RGL1: variants seen among roughly 807,000 people sequenced by gnomAD.
RGL1 encodes ral guanine nucleotide dissociation stimulator-like 1.
A neutral mutation model predicts 95.2 loss-of-function variants in RGL1; 24 were observed. The ratio of observed to expected loss-of-function variants is 0.25; its 90% confidence interval spans 0.18 to 0.35. The LOEUF is 0.35. Among genes scored for constraint, RGL1 ranks in the 10% least tolerant of loss-of-function variants. The probability of loss-of-function intolerance (pLI) is 1.00; values close to 1 mark genes in which losing one functional copy is unlikely to be tolerated. For synonymous variants in RGL1, 329 were observed against 344.9 expected (o/e 0.95, Z 0.51); for missense variants, 715 against 936.3 (o/e 0.76, Z 3.08).
chr1:183,704,672 T>G (rs1331371927), intron 1 of RGL1, among the ~76,000 whole-genome samples: 2 of 152,128 alleles, frequency 1.3e-5, no homozygotes, highest in Non-Finnish European at 2.9e-5. Flanking sequence ...GTAGCCAGGT[T>G]TAGACAGGAG....
intron 1 of RGL1, among the ~76,000 whole-genome samples, chr1:183,729,781 T>C (rs1656521910): frequency 6.6e-6 from 1 of 152,146 alleles, no homozygotes; most frequent in Non-Finnish European, 1.5e-5. Context: ...TACTACTTAG[T>C]ACTGAAAAGG....
At chr1:183,910,224 G>A (rs1668564712) in intron 14 of RGL1, among the ~76,000 whole-genome samples, 1 of 152,118 alleles carries the variant, frequency 6.6e-6, no homozygotes, top group South Asian at 2.1e-4. Context: ...AGCTTCCCAA[G>A]TAGCTGGGAT....
chr1:183,880,427 A>G (rs1040216900), intron 4 of RGL1, among the ~76,000 whole-genome samples, 189 bp from the exon 5 acceptor site: 2 of 152,188 alleles, frequency 1.3e-5, no homozygotes, highest in African/African-American at 4.8e-5. Context: ...TCCACTTAAA[A>G]CAATAAAGTT....
chr1:183,779,221 T>TTCCA (rs1491407870), intron 2 of RGL1, among the ~76,000 whole-genome samples: 1 of 130,306 alleles, frequency 7.7e-6, no homozygotes, highest in South Asian at 2.5e-4. Context: ...CCTTCCTTCC[T>TTCCA]TCCTTCCCTC....
At chr1:183,753,094 T>A (rs986598670) in intron 2 of RGL1, among the ~76,000 whole-genome samples, 4 of 152,298 alleles carry the variant, frequency 2.6e-5, no homozygotes, top group Non-Finnish European at 5.9e-5. Flanking sequence ...CTTTTGTAAC[T>A]CTAGCAAGAT....
chr1:183,892,225 A>G (rs973726966), intron 9 of RGL1, 64 bp downstream of exon 9: 4 of 1,202,710 alleles, frequency 3.3e-6, no homozygotes, highest in Non-Finnish European at 4.8e-6. Context: ...TTCAAGGAAG[A>G]GTAGTGTGAG....
chr1:183,769,195 A>G (rs1659153330), intron 2 of RGL1, among the ~76,000 whole-genome samples: 1 of 152,234 alleles, frequency 6.6e-6, no homozygotes, highest in African/African-American at 2.4e-5. Context: ...CTTAAAGTTA[A>G]CTACATGGGT....
At chr1:183,746,066 T>C (rs1424363836) in intron 2 of RGL1, among the ~76,000 whole-genome samples, 2 of 152,024 alleles carry the variant, frequency 1.3e-5, no homozygotes, top group African/African-American at 4.8e-5. Flanking sequence ...CATTATAGTA[T>C]TTGATACCTA....
chr1:183,661,834 C>G (rs1356663587), intron 1 of RGL1, among the ~76,000 whole-genome samples: 2 of 150,614 alleles, frequency 1.3e-5, no homozygotes, highest in African/African-American at 2.5e-5. Flanking sequence ...AAACCGAATC[C>G]AGCAGCACAT....
chr1:183,754,534 T>C (rs777026674), intron 2 of RGL1: 6 of 152,328 alleles, frequency 3.9e-5, no homozygotes, highest in Middle Eastern at 3.4e-3. Context: ...TACTTTCTTC[T>C]TGAAGCTCCA....
At chr1:183,647,578 C>G in intron 1 of RGL1, 3 of 1,474,242 alleles carry the variant, frequency 2.0e-6, no homozygotes, top group Non-Finnish European at 2.7e-6. Context: ...ATCAGTTTAT[C>G]TCCATCTTGG....
intron 2 of RGL1, among the ~76,000 whole-genome samples, chr1:183,772,060 T>C (rs938115868): frequency 3.5e-4 from 53 of 152,344 alleles, no homozygotes; most frequent in African/African-American, 1.2e-3. Flanking sequence ...GCGGCCCAAC[T>C]CCAGGGATAA....
chr1:183,673,308 G>A (rs57834388), intron 1 of RGL1, among the ~76,000 whole-genome samples: 9,651 of 152,226 alleles, frequency 0.063, 513 homozygotes, highest in African/African-American at 0.14. Context: ...GAACTATATA[G>A]GTAGCATAAA....
At chr1:183,734,113 G>A (rs1312915883) in intron 1 of RGL1, among the ~76,000 whole-genome samples, 11 of 152,304 alleles carry the variant, frequency 7.2e-5, no homozygotes, top group Middle Eastern at 3.4e-3. Context: ...TAGTCGATTC[G>A]GAAGCTAGTT....
intron 1 of RGL1, among the ~76,000 whole-genome samples, chr1:183,735,654 A>G (rs1469244938): frequency 6.6e-6 from 1 of 152,212 alleles, no homozygotes; most frequent in South Asian, 2.1e-4. Context: ...CTTACCTCCT[A>G]GTACATTGAC....
intron 1 of RGL1, among the ~76,000 whole-genome samples, chr1:183,684,543 A>G (rs184128922): frequency 1.1e-4 from 17 of 152,140 alleles, no homozygotes; most frequent in Admixed American, 2.6e-4. Context: ...GGTGGGATCC[A>G]CTGAGCTAGA....
chr1:183,900,196 A>T lies in RGL1; in HGVS notation c.1277A>T (p.Asp426Val). Reference sequence around the variant, plus strand: ...CCCTACCTGGGCACCTTCCTGACTGACCTGACCATGCTTGACACTGCCCTT... The same window carrying T: ...CCCTACCTGGGCACCTTCCTGACTGTCCTGACCATGCTTGACACTGCCCTT... ...TVPYLGTFLT[D>V]LTMLDTALQD... The change falls in exon 11 of 18, where the codon GAC (aspartate) becomes GTC (valine). Residue 426 changes from aspartate (D) to valine (V), a missense_variant. By Grantham distance (152) the Asp-to-Val change is radical. Coordinates refer to ENST00000360851, the MANE Select transcript of RGL1 (RefSeq NM_001297671.3). 1 of 1,613,908 alleles carries T rather than the reference A, an allele frequency of 6.2e-7. No individual in the cohort carries two copies. The highest frequency in any genetic ancestry group is 8.5e-7 in the Non-Finnish European group (1 of 1,179,850).
intron 1 of RGL1, among the ~76,000 whole-genome samples, chr1:183,714,006 A>G (rs1655464796): frequency 6.6e-6 from 1 of 152,174 alleles, no homozygotes; most frequent in African/African-American, 2.4e-5. Context: ...TTTTGGGATC[A>G]TTTGCATGGA....
chr1:183,662,359 A>G (rs1019187665), intron 1 of RGL1, among the ~76,000 whole-genome samples: 396 of 152,064 alleles, frequency 2.6e-3, no homozygotes, highest in Middle Eastern at 6.8e-3. Flanking sequence ...CAACTTCAGC[A>G]AAGTCTCAGG....
Sources: gnomAD v4.1 joint callset for allele counts (sites outside exome capture counted in the v4.1 genomes callset) on GRCh38, gnomAD v4.1.1 for gene constraint, MANE v1.5 for transcripts, NCBI Gene and HGNC (gene_info 2026-07-23, HGNC 2026-07-21) for gene names.